ERGIC1: variants seen among roughly 807,000 people sequenced by gnomAD.
ERGIC1 encodes the protein endoplasmic reticulum-Golgi intermediate compartment protein 1.
A neutral mutation model predicts 38.3 loss-of-function variants in ERGIC1; 19 were observed. That is an observed-to-expected ratio of 0.50 (90% CI 0.35 to 0.73). The LOEUF (loss-of-function observed/expected upper bound fraction) is 0.73, where lower values mean the gene tolerates loss of function less well. Among genes scored for constraint, ERGIC1 ranks in the 30% least tolerant of loss-of-function variants. The pLI is 0.01. For synonymous variants in ERGIC1, 124 were observed against 157.6 expected, an observed-to-expected ratio of 0.79 and a Z score of 1.60; for missense variants, 294 against 389.2, an observed-to-expected ratio of 0.76 and a Z score of 2.06.
At chr5:172,935,574 C>T (rs1763872138) in intron 9 of ERGIC1, 1 of 435,804 alleles carries the variant, frequency 2.3e-6, no homozygotes, top group Non-Finnish European at 4.2e-6. Context: ...TGAAGCAAAT[C>T]TCCATATGGT....
chr5:172,896,096 A>G (rs554243258), intron 2 of ERGIC1, among the ~76,000 whole-genome samples: 11 of 152,190 alleles, frequency 7.2e-5, no homozygotes, highest in African/African-American at 2.2e-4. Flanking sequence ...TAATCCCAGC[A>G]CTTTGGGAGG....
chr5:172,903,968 T>TACACACACACATACAC (rs1554111540), intron 3 of ERGIC1, among the ~76,000 whole-genome samples: 1 of 150,292 alleles, frequency 6.7e-6, no homozygotes, highest in African/African-American at 2.4e-5. Flanking sequence ...GTCTCACACA[T>TACACACACACATACAC]ACACACACAC....
At chr5:172,852,170 C>G (rs1015684602) in intron 1 of ERGIC1, among the ~76,000 whole-genome samples, 1 of 152,196 alleles carries the variant, frequency 6.6e-6, no homozygotes, top group Non-Finnish European at 1.5e-5. Flanking sequence ...TGTACCCCCA[C>G]TTTGAGCCCT....
At chr5:172,859,451 T>C (rs1018378616) in intron 1 of ERGIC1, among the ~76,000 whole-genome samples, 1 of 151,852 alleles carries the variant, frequency 6.6e-6, no homozygotes, top group African/African-American at 2.4e-5. Flanking sequence ...TGGAATTAGC[T>C]TTCCCCCATT....
intron 5 of ERGIC1, chr5:172,915,690 G>C (rs148369041): frequency 8.5e-5 from 40 of 467,972 alleles, no homozygotes; most frequent in Non-Finnish European, 1.6e-4. Flanking sequence ...CCATTTGACA[G>C]GTTAGGATGC....
At chr5:172,858,894 G>C (rs541146888) in intron 1 of ERGIC1, among the ~76,000 whole-genome samples, 118 of 152,340 alleles carry the variant, frequency 7.7e-4, no homozygotes, top group African/African-American at 2.8e-3. Flanking sequence ...GGAGATTACT[G>C]TTTGAAGTAC....
rs188875168 is a variant in ERGIC1, at chr5:172,875,172, G to A, written c.21-13527G>A. On this transcript the variant is annotated intron_variant, in intron 1 of 9. Transcript: ENST00000393784. Reference sequence around the variant, plus strand: ...TAAGGGTGCTTTTTTAGCTGAAGTAGCAGAAAAGTGGACTAGAAGAGGTTT... The same window carrying A: ...TAAGGGTGCTTTTTTAGCTGAAGTAACAGAAAAGTGGACTAGAAGAGGTTT... 1.3e-4 allele frequency among the ~76,000 whole-genome samples: 20 copies of A among 152,282 alleles called. 1 individual carries two copies. The highest frequency in any genetic ancestry group is 9.8e-4 in the Admixed American group (15 of 15,298).
intron 1 of ERGIC1, among the ~76,000 whole-genome samples, chr5:172,843,927 T>C (rs945228171): frequency 1.3e-5 from 2 of 152,196 alleles, no homozygotes; most frequent in Non-Finnish European, 2.9e-5. Context: ...ATGTGGAATG[T>C]GAGACAAGTA....
chr5:172,862,088 T>A (rs895493026), intron 1 of ERGIC1, among the ~76,000 whole-genome samples: 6 of 149,922 alleles, frequency 4.0e-5, no homozygotes, highest in Non-Finnish European at 7.4e-5. Flanking sequence ...GCCTCCCGGG[T>A]TCAAGCGATT....
At chr5:172,889,252 T>TAAA (rs1183616771) in intron 2 of ERGIC1, among the ~76,000 whole-genome samples, 1 of 151,876 alleles carries the variant, frequency 6.6e-6, no homozygotes, top group African/African-American at 2.4e-5. Context: ...CCATTGCACT[T>TAAA]CAGCCTGGGC....
chr5:172,899,716 G>A (rs1762822841), intron 3 of ERGIC1, among the ~76,000 whole-genome samples: 1 of 152,188 alleles, frequency 6.6e-6, no homozygotes, highest in Admixed American at 6.5e-5. Context: ...GAAAACGCCA[G>A]TGGTAGACAC....
At chr5:172,867,057 C>A in intron 1 of ERGIC1, 1 of 418,692 alleles carries the variant, frequency 2.4e-6, no homozygotes, top group Non-Finnish European at 4.9e-6. Context: ...GGAGATGATG[C>A]AGATGGAGAG....
intron 1 of ERGIC1, among the ~76,000 whole-genome samples, chr5:172,847,777 T>A (rs1393191706): frequency 6.6e-6 from 1 of 152,236 alleles, no homozygotes; most frequent in Non-Finnish European, 1.5e-5. Context: ...CCTCCCAAAG[T>A]GCTGGGATTA....
At chr5:172,876,360 G>A (rs940880711) in intron 1 of ERGIC1, among the ~76,000 whole-genome samples, 2 of 152,108 alleles carry the variant, frequency 1.3e-5, no homozygotes, top group Admixed American at 6.5e-5. Flanking sequence ...TCAACTATTT[G>A]GCTAGCTAGA....
chr5:172,890,635 C>G (rs767045302), intron 2 of ERGIC1, among the ~76,000 whole-genome samples: 1 of 152,208 alleles, frequency 6.6e-6, no homozygotes, highest in African/African-American at 2.4e-5. Context: ...GCCTCATTTT[C>G]CCAATGAGAA....
chr5:172,885,594 C>T (rs181964038), intron 1 of ERGIC1, among the ~76,000 whole-genome samples: 32 of 152,226 alleles, frequency 2.1e-4, no homozygotes, highest in African/African-American at 7.7e-4. Flanking sequence ...CCTGTGCACC[C>T]CCTCATTTCA....
At chr5:172,941,421 A>C (rs1764010245) in intron 9 of ERGIC1, among the ~76,000 whole-genome samples, 1 of 152,152 alleles carries the variant, frequency 6.6e-6, no homozygotes, top group Admixed American at 6.5e-5. Context: ...CCTGTTTTAT[A>C]AATGGATTAA....
At chr5:172,867,570 A>G (rs1433629683) in intron 1 of ERGIC1, 1 of 421,254 alleles carries the variant, frequency 2.4e-6, no homozygotes, top group Non-Finnish European at 4.9e-6. Flanking sequence ...GTGTTACTCC[A>G]CCCCCGAGTC....
chr5:172,883,897 C>A (rs1354229439), intron 1 of ERGIC1, among the ~76,000 whole-genome samples: 2 of 152,116 alleles, frequency 1.3e-5, no homozygotes, highest in Non-Finnish European at 2.9e-5. Context: ...GTGGGAGGAT[C>A]GCCTGAGCCT....
Sources: allele counts gnomAD v4.1 joint callset (sites outside exome capture counted in the v4.1 genomes callset), GRCh38; gene constraint gnomAD v4.1.1; transcripts MANE v1.5; gene names NCBI Gene and HGNC (gene_info 2026-07-23, HGNC 2026-07-21).